INVS: variants seen among roughly 807,000 people sequenced by gnomAD.
The protein encoded by INVS is inversin, also known as inversion of embryo turning homolog.
Under a neutral mutation model 108.8 loss-of-function variants are expected in INVS, and 86 were observed. That is an observed-to-expected ratio of 0.79 (90% confidence interval 0.66 to 0.95). INVS has a LOEUF of 0.95. INVS is among the 40% of genes least tolerant of loss of function. The pLI, the probability that INVS is intolerant of heterozygous loss-of-function variation, is 0.00. For missense variants in INVS, 1,169 were observed against 1,297.4 expected (o/e 0.90, Z 1.52); for synonymous variants, 455 against 473.5 (o/e 0.96, Z 0.51).
At chr9:100,206,894 A>G (rs1326284682) in intron 3 of INVS, among the ~76,000 whole-genome samples, 1 of 152,214 alleles carries the variant, frequency 6.6e-6, no homozygotes, top group Non-Finnish European at 1.5e-5. Context: ...ATTGTACAGT[A>G]GCCTTCCTTT....
chr9:100,147,538 G>A (rs1399768522), intron 3 of INVS, among the ~76,000 whole-genome samples: 1 of 152,116 alleles, frequency 6.6e-6, no homozygotes, highest in African/African-American at 2.4e-5. Flanking sequence ...CTCTGCTCCT[G>A]GGATAGTTAT....
intron 3 of INVS, among the ~76,000 whole-genome samples, chr9:100,191,450 T>C (rs561365026): frequency 1.3e-5 from 2 of 152,204 alleles, no homozygotes; most frequent in Non-Finnish European, 2.9e-5. Flanking sequence ...AAATTTTTCT[T>C]CTACTAGTTC....
At chr9:100,141,168 G>T (rs1470332754) in intron 3 of INVS, among the ~76,000 whole-genome samples, 1 of 152,086 alleles carries the variant, frequency 6.6e-6, no homozygotes, top group Non-Finnish European at 1.5e-5. Flanking sequence ...CAAGTTTTTT[G>T]GGGCACAGTC....
At chr9:100,193,140 G>T (rs1830273670) in intron 3 of INVS, among the ~76,000 whole-genome samples, 1 of 151,888 alleles carries the variant, frequency 6.6e-6, no homozygotes, top group Admixed American at 6.6e-5. Context: ...ACCATACCCA[G>T]CTAATTTTTA....
At chr9:100,260,588 C>A (rs1832592196) in intron 10 of INVS, among the ~76,000 whole-genome samples, 1 of 152,078 alleles carries the variant, frequency 6.6e-6, no homozygotes, top group Non-Finnish European at 1.5e-5. Flanking sequence ...GCTTAAAATT[C>A]CAAGGTTCCA....
chr9:100,212,188 T>C (rs1429566112), intron 3 of INVS, among the ~76,000 whole-genome samples: 1 of 152,174 alleles, frequency 6.6e-6, no homozygotes, highest in African/African-American at 2.4e-5. Context: ...ATAAGAAAAT[T>C]ATCTAAGCAT....
At chr9:100,284,022 C>T (rs1163511264) in intron 12 of INVS, among the ~76,000 whole-genome samples, 1 of 152,088 alleles carries the variant, frequency 6.6e-6, no homozygotes, top group East Asian at 1.9e-4. Context: ...GGGGCACATA[C>T]ACCGTTGGGA....
chr9:100,171,764 C>T (rs1829549453), intron 3 of INVS, among the ~76,000 whole-genome samples: 2 of 152,090 alleles, frequency 1.3e-5, no homozygotes, highest in East Asian at 1.9e-4. Flanking sequence ...AAAATTGGTA[C>T]ATTTTACCTT....
chr9:100,284,776 T>TC (rs1245459011), intron 13 of INVS, among the ~76,000 whole-genome samples, 173 bp downstream of exon 13: 2 of 152,200 alleles, frequency 1.3e-5, no homozygotes, highest in African/African-American at 4.8e-5. Context: ...TTCTTTTTTT[T>TC]CCCTTCCTGT....
intron 3 of INVS, among the ~76,000 whole-genome samples, chr9:100,179,885 A>T (rs1317380160): frequency 6.6e-6 from 1 of 152,152 alleles, no homozygotes; most frequent in Non-Finnish European, 1.5e-5. Context: ...TTGACCACAT[A>T]ATTGGAAGTA....
intron 3 of INVS, among the ~76,000 whole-genome samples, chr9:100,142,235 A>G (rs1341743293): frequency 6.6e-6 from 1 of 152,154 alleles, no homozygotes; most frequent in African/African-American, 2.4e-5. Flanking sequence ...GTGGTGCACG[A>G]TATGAAAGGC....
At chr9:100,246,934 G>C in intron 8 of INVS, 147 bp downstream of exon 8, 1 of 766,254 alleles carries the variant, frequency 1.3e-6, no homozygotes, top group Non-Finnish European at 2.3e-6. Context: ...GTTTGGGTTT[G>C]CCAGGATGTC....
At chr9:100,152,860 C>A (rs571032995) in intron 3 of INVS, among the ~76,000 whole-genome samples, 1 of 152,202 alleles carries the variant, frequency 6.6e-6, no homozygotes, top group African/African-American at 2.4e-5. Flanking sequence ...TCAAGTCTTT[C>A]CTGTCACTTT....
chr9:100,103,947 C>T (rs1324656805), intron 1 of INVS, among the ~76,000 whole-genome samples: 1 of 152,090 alleles, frequency 6.6e-6, no homozygotes, highest in Admixed American at 6.5e-5. Flanking sequence ...ATCGGGCTCA[C>T]TTTTATTTGC....
chr9:100,164,896 CTTT>C (rs71498730), intron 3 of INVS, among the ~76,000 whole-genome samples: 1 of 129,298 alleles, frequency 7.7e-6, no homozygotes, highest in African/African-American at 2.8e-5. Context: ...TTGGCTTTTT[CTTT>C]TTTTTTTTTT....
At chr9:100,220,153 T>A (rs1831102104) in intron 3 of INVS, among the ~76,000 whole-genome samples, 1 of 152,190 alleles carries the variant, frequency 6.6e-6, no homozygotes. Context: ...AAGGAGTTCA[T>A]CTTAAGAGAA....
intron 2 of INVS, among the ~76,000 whole-genome samples, chr9:100,106,521 T>C: frequency 6.6e-6 from 1 of 152,194 alleles, no homozygotes. Context: ...CAACCATGAC[T>C]TGAATAAGAT....
intron 16 of INVS, among the ~76,000 whole-genome samples, chr9:100,299,548 GACACACAACACACACACACACAC>G (rs1267221261): frequency 1.6e-5 from 2 of 126,144 alleles, no homozygotes; most frequent in African/African-American, 3.4e-5. Context: ...GCCTTTTATT[GACACACAACACACACACACACAC>G]ACACACACAC....
Position 100,272,843 on chromosome 9 carries a change from GA to G in INVS, c.1572-18del. The stretch of plus-strand genomic sequence containing the variant: ...TTACATTCTAAAATTAAAAAAAAAA[GA>G]AATCTTCCTCCCACTTCAGATACAC... On this transcript the variant is annotated intron_variant, in intron 11 of 16. Coordinates refer to ENST00000262457, the MANE Select transcript of INVS (RefSeq NM_014425.5). The G allele has an allele frequency of 2.5e-6, 4 of 1,589,868 alleles. No individual in the cohort carries two copies. Among genetic ancestry groups the G allele is most frequent in the Non-Finnish European group, 3.5e-6 (4 of 1,158,608 alleles).
Sources: gnomAD v4.1 joint callset for allele counts (sites outside exome capture counted in the v4.1 genomes callset) on GRCh38, gnomAD v4.1.1 for gene constraint, MANE v1.5 for transcripts, NCBI Gene and HGNC (gene_info 2026-07-23, HGNC 2026-07-21) for gene names.